Variants in CCN4 observed in about 807,000 individuals in gnomAD.
The protein encoded by CCN4 is CCN family member 4.
In CCN4, 30 loss-of-function variants were observed where a neutral mutation model predicts 36.7. The ratio of observed to expected loss-of-function variants is 0.82; its 90% CI spans 0.61 to 1.11. The LOEUF (loss-of-function observed/expected upper bound fraction) is 1.11. Among genes scored for constraint, CCN4 ranks in the 50% least tolerant of loss-of-function variants. The probability of loss-of-function intolerance (pLI) is 0.00; values close to 1 mark genes in which losing one functional copy is unlikely to be tolerated. For synonymous variants in CCN4, 191 were observed against 195.4 expected, an observed-to-expected ratio of 0.98 and a Z score of 0.19; for missense variants, 505 against 504.9, an observed-to-expected ratio of 1.00 and a Z score of 0.00.
chr8:133,214,621 C>G (rs938160275), intron 2 of CCN4, among the ~76,000 whole-genome samples: 1 of 152,050 alleles, frequency 6.6e-6, no homozygotes, highest in African/African-American at 2.4e-5. Context: ...AACTTTCTGA[C>G]CCCCTGCTTC....
intron 1 of CCN4, among the ~76,000 whole-genome samples, chr8:133,208,309 C>T (rs116210240): frequency 1.3e-5 from 2 of 152,120 alleles, no homozygotes; most frequent in African/African-American, 4.8e-5. Context: ...CAGTCACTTG[C>T]GAGCTAAGCG....
At chr8:133,193,935 G>T (rs1853208305) in intron 1 of CCN4, among the ~76,000 whole-genome samples, 1 of 152,166 alleles carries the variant, frequency 6.6e-6, no homozygotes, top group South Asian at 2.1e-4. Context: ...ATCAGGCTCT[G>T]CCACTGGCTG....
chr8:133,224,497 C>T (rs1189177767), intron 3 of CCN4, among the ~76,000 whole-genome samples: 1 of 151,922 alleles, frequency 6.6e-6, no homozygotes, highest in Non-Finnish European at 1.5e-5. Flanking sequence ...GCTTTGGCCT[C>T]CCAAAGAAGC....
At chr8:133,210,487 G>A (rs1853975566) in intron 1 of CCN4, among the ~76,000 whole-genome samples, 1 of 151,806 alleles carries the variant, frequency 6.6e-6, no homozygotes, top group African/African-American at 2.4e-5. Context: ...TATGAACAAG[G>A]GCAGGCTAAC....
intron 1 of CCN4, among the ~76,000 whole-genome samples, chr8:133,203,677 A>G (rs914902500): frequency 2.0e-5 from 3 of 152,166 alleles, no homozygotes; most frequent in Non-Finnish European, 2.9e-5. Context: ...GGAATTGTCA[A>G]ATGGGGTCCC....
rs1267452608 is a variant in CCN4 at position 133,191,223 on chromosome 8, G to C, written c.69+10G>C. 1 of 1,603,704 alleles carries C rather than the reference G, an allele frequency of 6.2e-7. No homozygotes were observed. Among genetic ancestry groups the C allele is most frequent in the Non-Finnish European group, 8.5e-7 (1 of 1,178,922 alleles). On this transcript the variant is annotated intron_variant, in intron 1 of 4. Transcript: ENST00000250160. ...CACCGTCCTGGCCACGGTGAGTCCT[G>C]CCTGGAGGGGCTCAGAGGGAGACCC...
intron 1 of CCN4, among the ~76,000 whole-genome samples, chr8:133,200,997 TCTAGGGAGC>T (rs1278338858): frequency 2.0e-4 from 31 of 152,282 alleles, no homozygotes; most frequent in African/African-American, 7.2e-4. Context: ...TGTCTGCTCC[TCTAGGGAGC>T]ACTCTGTGGT....
intron 2 of CCN4, among the ~76,000 whole-genome samples, chr8:133,219,376 C>T (rs1197102464): frequency 6.6e-6 from 1 of 152,138 alleles, no homozygotes; most frequent in Non-Finnish European, 1.5e-5. Flanking sequence ...AGCTCCTCCC[C>T]CAACCCCTGG....
intron 1 of CCN4, among the ~76,000 whole-genome samples, chr8:133,200,430 G>A (rs1202715892): frequency 3.3e-5 from 5 of 152,192 alleles, no homozygotes; most frequent in Non-Finnish European, 7.3e-5. Context: ...ACAGCAAAGA[G>A]CTTCATTCTT....
intron 1 of CCN4, among the ~76,000 whole-genome samples, chr8:133,202,258 G>A (rs993425888): frequency 1.3e-5 from 2 of 152,222 alleles, no homozygotes; most frequent in Non-Finnish European, 2.9e-5. Flanking sequence ...GACAAACAGG[G>A]TTATCATATA....
rs566340586 is a variant in CCN4 at position 133,194,015 on chromosome 8, C to A, written c.69+2802C>A. On this transcript the variant is annotated intron_variant, in intron 1 of 4. Coordinates refer to ENST00000250160, the MANE Select transcript of CCN4 (RefSeq NM_003882.4). ...TCGTTTGTTAATTGGGACTAACTGT[C>A]TCACCACACCAAGCTCCCTGCTGCT... Among the ~76,000 whole-genome samples, 11 of 152,308 alleles carry A rather than the reference C, an allele frequency of 7.2e-5. No homozygotes were observed. The South Asian group carries it at 8.3e-4, about 11-fold the overall frequency.
chr8:133,221,501 T>A (rs1264907137), intron 3 of CCN4, among the ~76,000 whole-genome samples: 1 of 151,774 alleles, frequency 6.6e-6, no homozygotes, highest in Non-Finnish European at 1.5e-5. Context: ...AATAGATGAA[T>A]GTATAAATAG....
At chr8:133,212,799 G>A (rs1854102631) in intron 1 of CCN4, 65 bp from the exon 2 acceptor site, 2 of 1,271,598 alleles carry the variant, frequency 1.6e-6, no homozygotes, top group Admixed American at 4.9e-5. Context: ...TGCAATGGCA[G>A]GGCCCTTTGG....
intron 2 of CCN4, among the ~76,000 whole-genome samples, chr8:133,214,603 C>G (rs1347214721): frequency 6.6e-6 from 1 of 152,024 alleles, no homozygotes; most frequent in African/African-American, 2.4e-5. Context: ...AAGACACCTC[C>G]TTTATGAAAC....
intron 1 of CCN4, among the ~76,000 whole-genome samples, chr8:133,199,894 G>A (rs537193401): frequency 6.6e-6 from 1 of 152,150 alleles, no homozygotes; most frequent in East Asian, 1.9e-4. Flanking sequence ...TGATGTTCAC[G>A]AGAGCCCTAT....
At position 133,226,193 on chromosome 8, in the gene CCN4, T is replaced by C. The variant is rs1361916374; in HGVS notation, c.804+610T>C. 3.3e-5 allele frequency among the ~76,000 whole-genome samples: 5 copies of C among 152,230 alleles called. No individual in the cohort carries two copies. The East Asian group carries it at 9.6e-4, about 29-fold the overall frequency. ...TAAAAGTGGATCTGATTTATCTAAT[T>C]CAAGTCCTCCTCACTCATGCCTTAG... On this transcript the variant is annotated intron_variant, in intron 4 of 4. Coordinates refer to ENST00000250160, the MANE Select transcript of CCN4 (RefSeq NM_003882.4).
chr8:133,203,702 C>T (rs1044632453), intron 1 of CCN4, among the ~76,000 whole-genome samples: 1 of 152,114 alleles, frequency 6.6e-6, no homozygotes, highest in South Asian at 2.1e-4. Context: ...TTGCAGATGA[C>T]GTGCCCTTTC....
Position 133,195,319 on chromosome 8 carries a change from G to GGT in CCN4, c.69+4120_69+4121dup, listed in dbSNP as rs368120068. On this transcript the variant is annotated intron_variant, in intron 1 of 4. Coordinates refer to ENST00000250160, the MANE Select transcript of CCN4 (RefSeq NM_003882.4). Reference sequence around the variant, plus strand: ...GTGTATGTGTTGTGTTTGCGTGTGTGGTGTGTGTGTGTGTGAACCTTGTGT... The same window carrying GGT: ...GTGTATGTGTTGTGTTTGCGTGTGTGGTGTGTGTGTGTGTGTGAACCTTGTGT... Among the ~76,000 whole-genome samples the GGT allele has an allele frequency of 2.1e-4, 31 of 150,866 alleles. 1 individual carries two copies. The East Asian group carries it at 3.5e-3, about 17-fold the overall frequency.
chr8:133,204,251 A>G (rs1853686774), intron 1 of CCN4, among the ~76,000 whole-genome samples: 1 of 152,210 alleles, frequency 6.6e-6, no homozygotes, highest in African/African-American at 2.4e-5. Context: ...TTAACTGCAC[A>G]AGACCTGCTT....
Sources: allele counts gnomAD v4.1 joint callset (sites outside exome capture counted in the v4.1 genomes callset), GRCh38; gene constraint gnomAD v4.1.1; transcripts MANE v1.5; gene names NCBI Gene and HGNC (gene_info 2026-07-23, HGNC 2026-07-21).